CNTN4: variants seen among roughly 807,000 people sequenced by gnomAD.
The protein encoded by CNTN4 is contactin-4.
Under a neutral mutation model 122.5 loss-of-function variants are expected in CNTN4, and 77 were observed. That is an observed-to-expected ratio of 0.63 (90% CI 0.52 to 0.76). The LOEUF is 0.76. Ranked by LOEUF, CNTN4 falls within the 30% of genes least tolerant of loss-of-function variation. The pLI is 0.00. For missense variants in CNTN4, 1,256 were observed against 1,259.1 expected, an observed-to-expected ratio of 1.00 and a Z score of 0.04; for synonymous variants, 512 against 447.0, an observed-to-expected ratio of 1.15 and a Z score of -1.83.
chr3:2,519,437 T>A (rs1456404504), intron 3 of CNTN4, among the ~76,000 whole-genome samples: 2 of 152,212 alleles, frequency 1.3e-5, no homozygotes, highest in Non-Finnish European at 2.9e-5. Context: ...ATGGTCTTCT[T>A]GTAGTCTGTC....
rs2046203234 is a variant in CNTN4 at position 2,385,225 on chromosome 3, T to C, written c.-89+45992T>C. On this transcript the variant is annotated intron_variant, in intron 3 of 24. Coordinates refer to ENST00000418658, the MANE Select transcript of CNTN4 (RefSeq NM_175607.3). This position sits in a 1 kb window ranked among gnomAD's most constrained non-coding sequence, Gnocchi z 4.0. Reference sequence around the variant, plus strand: ...AAATAATCTGTCTACTACTCAACTTTCTACTCAGTTTTTTATTTTTTATTT... The same window carrying C: ...AAATAATCTGTCTACTACTCAACTTCCTACTCAGTTTTTTATTTTTTATTT... Among the ~76,000 whole-genome samples, 1 of 151,404 alleles carries C rather than the reference T, an allele frequency of 6.6e-6. No individual in the cohort carries two copies. The highest frequency in any genetic ancestry group is 1.5e-5 in the Non-Finnish European group (1 of 67,978).
intron 12 of CNTN4, 120 bp downstream of exon 12, chr3:2,903,125 A>G (rs1291800638): frequency 1.1e-6 from 1 of 945,482 alleles, no homozygotes; most frequent in African/African-American, 1.7e-5. Context: ...CTTTAGGCCA[A>G]AGATGCTACT....
intron 13 of CNTN4, among the ~76,000 whole-genome samples, chr3:2,986,045 G>A (rs1694538966): frequency 6.6e-6 from 1 of 151,294 alleles, no homozygotes; most frequent in Non-Finnish European, 1.5e-5. Flanking sequence ...CCCCCAAGTA[G>A]CTGGGACTAT....
intron 2 of CNTN4, among the ~76,000 whole-genome samples, chr3:2,188,398 T>G (rs1235266859): frequency 1.3e-5 from 2 of 152,260 alleles, no homozygotes; most frequent in African/African-American, 2.4e-5. Flanking sequence ...AAACAAATGC[T>G]TCAGGAAAGA....
intron 4 of CNTN4, among the ~76,000 whole-genome samples, chr3:2,634,808 A>G (rs929522822): frequency 3.4e-4 from 51 of 152,048 alleles, no homozygotes; most frequent in African/African-American, 1.0e-3. Context: ...CTGAGCCAAG[A>G]TCACACCACT....
intron 4 of CNTN4, among the ~76,000 whole-genome samples, chr3:2,652,610 C>T (rs1277844012): frequency 6.6e-6 from 1 of 152,008 alleles, no homozygotes; most frequent in African/African-American, 2.4e-5. Flanking sequence ...TTTCTAGGCA[C>T]ACAGGAATAA....
chr3:2,459,986 C>T (rs1163945499), intron 3 of CNTN4, among the ~76,000 whole-genome samples: 2 of 152,086 alleles, frequency 1.3e-5, no homozygotes, highest in African/African-American at 4.8e-5. Flanking sequence ...CACAAGATAG[C>T]GCATGAGAGA....
Position 3,057,508 on chromosome 3 carries a change from C to G in CNTN4, c.*1288C>G, listed in dbSNP as rs1228023599. Reference sequence around the variant, plus strand: ...ATGAGAAAGGTTTTGTGAGTAAACCCTACTGGACAGTGACATAAAAGGCAA... The same window carrying G: ...ATGAGAAAGGTTTTGTGAGTAAACCGTACTGGACAGTGACATAAAAGGCAA... On this transcript the variant is annotated 3_prime_UTR_variant, in exon 25 of 25. Coordinates refer to ENST00000418658, the MANE Select transcript of CNTN4 (RefSeq NM_175607.3). The G allele has an allele frequency of 1.3e-5, 2 of 152,598 alleles. No individual in the cohort carries two copies. The highest frequency in any genetic ancestry group is 4.8e-5 in the African/African-American group (2 of 41,438). 9.5% of individuals were successfully genotyped at this position (152,598 alleles called of 1,614,324 possible).
At chr3:2,946,770 C>G (rs187548079) in intron 13 of CNTN4, among the ~76,000 whole-genome samples, 2 of 137,324 alleles carry the variant, frequency 1.5e-5, no homozygotes, top group African/African-American at 5.3e-5. Flanking sequence ...GTGGCGTGAA[C>G]ATGGCTCACT....
intron 2 of CNTN4, among the ~76,000 whole-genome samples, chr3:2,198,559 T>G (rs2037951796): frequency 6.6e-6 from 1 of 152,150 alleles, no homozygotes; most frequent in Non-Finnish European, 1.5e-5. Flanking sequence ...AATATTTATT[T>G]CCAAATATCC....
intron 13 of CNTN4, among the ~76,000 whole-genome samples, chr3:2,964,378 A>G (rs936881229): frequency 6.6e-6 from 1 of 152,160 alleles, no homozygotes; most frequent in Non-Finnish European, 1.5e-5. Context: ...CAGACTTCAA[A>G]TGATACATGT....
rs574116496 is a variant in CNTN4, at chr3:2,826,671, C to T, written c.454+7090C>T. ...CTCAGCTTTCGTTATTAAGATATCA[C>T]CTTCAGAGTTAGACTCACCCAGTTT... On this transcript the variant is annotated intron_variant, in intron 7 of 24. Coordinates refer to ENST00000418658, the MANE Select transcript of CNTN4 (RefSeq NM_175607.3). 9.2e-5 allele frequency among the ~76,000 whole-genome samples: 14 copies of T among 152,274 alleles called. No homozygotes were observed. The South Asian group carries it at 2.7e-3, about 29-fold the overall frequency.
intron 2 of CNTN4, among the ~76,000 whole-genome samples, chr3:2,266,838 T>A (rs2041070908): frequency 6.6e-6 from 1 of 152,084 alleles, no homozygotes; most frequent in South Asian, 2.1e-4. Flanking sequence ...AAGCAGTTGG[T>A]TTGCTTGGCT....
chr3:2,807,367 A>G (rs2092493063), intron 6 of CNTN4, among the ~76,000 whole-genome samples: 1 of 152,212 alleles, frequency 6.6e-6, no homozygotes, highest in Non-Finnish European at 1.5e-5. Flanking sequence ...TTTATTTTCA[A>G]AACTGTAATT....
At chr3:2,724,398 CT>C (rs1436512471) in intron 4 of CNTN4, among the ~76,000 whole-genome samples, 1 of 152,120 alleles carries the variant, frequency 6.6e-6, no homozygotes, top group East Asian at 1.9e-4. Flanking sequence ...GCCCTATCTC[CT>C]AAGAAACAAT....
At chr3:2,105,982 T>C (rs2032405751) in intron 2 of CNTN4, among the ~76,000 whole-genome samples, 1 of 152,246 alleles carries the variant, frequency 6.6e-6, no homozygotes, top group African/African-American at 2.4e-5. Context: ...ACAAAGGGGC[T>C]ACAGGCCCCA....
At chr3:2,143,376 A>G (rs1440974660) in intron 2 of CNTN4, among the ~76,000 whole-genome samples, 5 of 152,238 alleles carry the variant, frequency 3.3e-5, no homozygotes, top group East Asian at 3.9e-4. Flanking sequence ...GTTAGGTTCA[A>G]TAATGCTCAT....
At chr3:2,250,496 C>A (rs1342837563) in intron 2 of CNTN4, among the ~76,000 whole-genome samples, 1 of 151,764 alleles carries the variant, frequency 6.6e-6, no homozygotes, top group Admixed American at 6.6e-5. Context: ...TGTAGGATGA[C>A]TGTAGTTGAT....
chr3:2,282,915 C>G lies in CNTN4; in HGVS notation c.-144-56263C>G, dbSNP rs184180285. ...TACAAAAGACTTGCAAGGTTCTATG[C>G]CTTCATGTATATGAAATACCCAGAA... On this transcript the variant is annotated intron_variant, in intron 2 of 24. Transcript: ENST00000418658. Among the ~76,000 whole-genome samples, 14 of 152,208 alleles carry G rather than the reference C, an allele frequency of 9.2e-5. No homozygotes were observed. The East Asian group carries it at 2.7e-3, about 29-fold the overall frequency.
Sources: allele counts gnomAD v4.1 joint callset (sites outside exome capture counted in the v4.1 genomes callset), GRCh38; gene constraint gnomAD v4.1.1; non-coding constraint Gnocchi (gnomAD v3.1); transcripts MANE v1.5; gene names NCBI Gene and HGNC (gene_info 2026-07-23, HGNC 2026-07-21).